Variants in FHIT observed in about 807,000 individuals in gnomAD.
FHIT encodes fragile histidine triad diadenosine triphosphatase.
In FHIT, 19 loss-of-function variants were observed where a neutral mutation model predicts 17.9. The observed-to-expected ratio is 1.06, with a 90% confidence interval of 0.74 to 1.56. FHIT has a LOEUF of 1.56. Among genes scored for constraint, FHIT ranks in the 40% most tolerant of loss-of-function variants. The pLI is 0.00. For missense variants in FHIT, 248 were observed against 189.2 expected, an observed-to-expected ratio of 1.31 and a Z score of -1.82; for synonymous variants, 81 against 69.7, an observed-to-expected ratio of 1.16 and a Z score of -0.81.
At chr3:60,656,639 G>C (rs1473434673) in intron 4 of FHIT, among the ~76,000 whole-genome samples, 3 of 152,098 alleles carry the variant, frequency 2.0e-5, no homozygotes, top group Admixed American at 2.0e-4. Flanking sequence ...TTTCCCAAAG[G>C]TCCCATTGGC....
At chr3:60,866,838 T>C (rs79106811) in intron 3 of FHIT, among the ~76,000 whole-genome samples, 1 of 152,168 alleles carries the variant, frequency 6.6e-6, no homozygotes, top group East Asian at 1.9e-4. Flanking sequence ...CACCAAGTCA[T>C]CCATTATTGC....
chr3:59,965,380 A>C (rs953396929), intron 7 of FHIT, among the ~76,000 whole-genome samples: 7 of 152,182 alleles, frequency 4.6e-5, no homozygotes, highest in Non-Finnish European at 1.0e-4. Flanking sequence ...ACAGAACTAC[A>C]TAAATATCTT....
At chr3:59,992,311 C>T (rs945822651) in intron 7 of FHIT, among the ~76,000 whole-genome samples, 15 of 151,978 alleles carry the variant, frequency 9.9e-5, no homozygotes, top group Admixed American at 7.9e-4. Context: ...GTTTTCCTGG[C>T]GTAGTACATT....
intron 3 of FHIT, among the ~76,000 whole-genome samples, chr3:60,979,870 T>G (rs1710419140): frequency 6.6e-6 from 1 of 152,198 alleles, no homozygotes; most frequent in African/African-American, 2.4e-5. Context: ...AAGGAATAAA[T>G]TATTGTCAGC....
chr3:60,146,448 C>G (rs1356187588), intron 5 of FHIT, among the ~76,000 whole-genome samples: 3 of 151,906 alleles, frequency 2.0e-5, no homozygotes, highest in African/African-American at 4.8e-5. Context: ...TCTCTTTTTC[C>G]TGCTTTACTT....
Position 60,547,167 on chromosome 3 carries a change from A to C in FHIT, c.-17-10188T>G, listed in dbSNP as rs556413257. Among the ~76,000 whole-genome samples the C allele has an allele frequency of 7.2e-5, 11 of 152,314 alleles. No homozygotes were observed. The East Asian group carries it at 1.5e-3, about 21-fold the overall frequency. On this transcript the variant is annotated intron_variant, in intron 4 of 9. Coordinates refer to ENST00000492590, the MANE Select transcript of FHIT (RefSeq NM_002012.4). Reference sequence around the variant, plus strand: ...AGCAATTTTATTTTCAGATAAGTAAAATTGCTGAATCTTTCTACCAAATAT... The same window carrying C: ...AGCAATTTTATTTTCAGATAAGTAACATTGCTGAATCTTTCTACCAAATAT...
intron 4 of FHIT, among the ~76,000 whole-genome samples, chr3:60,630,881 C>T (rs1257052451): frequency 1.3e-5 from 2 of 149,646 alleles, no homozygotes; most frequent in African/African-American, 2.5e-5. Context: ...GATTCTTTAA[C>T]CTTTTTTGGA....
intron 5 of FHIT, among the ~76,000 whole-genome samples, chr3:60,098,432 A>G (rs1054975754): frequency 5.3e-5 from 8 of 151,392 alleles, no homozygotes; most frequent in Non-Finnish European, 1.2e-4. Flanking sequence ...ATGGTATCTC[A>G]TTGTGGTTTT....
chr3:60,107,808 C>G lies in FHIT; in HGVS notation c.104-93656G>C, dbSNP rs548883870. Among the ~76,000 whole-genome samples the G allele has an allele frequency of 5.9e-5, 9 of 152,130 alleles. No individual in the cohort carries two copies. In the South Asian group the frequency reaches 1.9e-3, roughly 31 times the overall value. On this transcript the variant is annotated intron_variant, in intron 5 of 9. Transcript: ENST00000492590. ...CCATTTTAATTTACTTTAACACTATCCATAAGAATATTAAAAACAGGCAGC... is the reference window on the plus strand; with the variant it reads ...CCATTTTAATTTACTTTAACACTATGCATAAGAATATTAAAAACAGGCAGC...
intron 3 of FHIT, among the ~76,000 whole-genome samples, chr3:61,003,756 C>A (rs2031257382): frequency 6.6e-6 from 1 of 152,244 alleles, no homozygotes. Context: ...AAAACCAGAT[C>A]AGTATATCTT....
At chr3:60,797,632 G>C (rs1327816633) in intron 4 of FHIT, among the ~76,000 whole-genome samples, 1 of 150,508 alleles carries the variant, frequency 6.6e-6, no homozygotes, top group Non-Finnish European at 1.5e-5. Context: ...ATTATTAAAC[G>C]ATTGATGCTA....
chr3:60,858,168 A>G (rs1703464425), intron 3 of FHIT, among the ~76,000 whole-genome samples: 1 of 152,196 alleles, frequency 6.6e-6, no homozygotes, highest in Non-Finnish European at 1.5e-5. Context: ...GTACTTAAAG[A>G]TCTAACCAGT....
intron 5 of FHIT, among the ~76,000 whole-genome samples, chr3:60,530,045 T>C (rs717821): frequency 0.12 from 18,435 of 152,130 alleles, 1,457 homozygotes; most frequent in African/African-American, 0.22. Context: ...ATTTTTCTCC[T>C]GTAATGCATA....
chr3:60,013,178 T>C (rs1700207239), intron 6 of FHIT, among the ~76,000 whole-genome samples: 1 of 152,198 alleles, frequency 6.6e-6, no homozygotes, highest in Non-Finnish European at 1.5e-5. Context: ...GCTTTCTTTA[T>C]CTGGTCTCTT....
At chr3:60,060,397 T>C (rs1214357392) in intron 5 of FHIT, among the ~76,000 whole-genome samples, 1 of 152,204 alleles carries the variant, frequency 6.6e-6, no homozygotes, top group Non-Finnish European at 1.5e-5. Flanking sequence ...GAAAACTATC[T>C]TTTTAAATAT....
intron 8 of FHIT, among the ~76,000 whole-genome samples, chr3:59,767,571 T>G (rs548408638): frequency 6.6e-6 from 1 of 152,200 alleles, no homozygotes; most frequent in South Asian, 2.1e-4. Flanking sequence ...AAATTTTTGC[T>G]CCCGGAAAGT....
At chr3:60,407,983 G>C (rs367590435) in intron 5 of FHIT, among the ~76,000 whole-genome samples, 139 of 152,258 alleles carry the variant, frequency 9.1e-4, no homozygotes, top group Middle Eastern at 3.4e-3. Flanking sequence ...CATATTTCAA[G>C]TATCAGTTGC....
intron 1 of FHIT, among the ~76,000 whole-genome samples, chr3:61,211,647 G>A (rs1170557544): frequency 1.3e-5 from 2 of 152,342 alleles, no homozygotes; most frequent in East Asian, 1.9e-4. Flanking sequence ...GCTTTGAAGA[G>A]AGCAGTGGTT....
intron 5 of FHIT, among the ~76,000 whole-genome samples, chr3:60,340,789 C>T (rs1366253864): frequency 6.6e-6 from 1 of 152,082 alleles, no homozygotes; most frequent in Non-Finnish European, 1.5e-5. Flanking sequence ...CTCACCACAA[C>T]CTTTGCCTCC....
Sources: allele counts gnomAD v4.1 joint callset (sites outside exome capture counted in the v4.1 genomes callset), GRCh38; gene constraint gnomAD v4.1.1; transcripts MANE v1.5; gene names NCBI Gene and HGNC (gene_info 2026-07-23, HGNC 2026-07-21).